SEC23IP: variants seen among roughly 807,000 people sequenced by gnomAD.
SEC23IP encodes SEC23-interacting protein.
In SEC23IP, 70 loss-of-function variants were observed where a neutral mutation model predicts 113.4. The observed-to-expected ratio is 0.62, with a 90% CI of 0.51 to 0.75. The LOEUF is 0.75. SEC23IP is among the 30% of genes least tolerant of loss of function. The pLI is 0.00. For missense variants in SEC23IP, 1,160 were observed against 1,204.9 expected (o/e 0.96, Z 0.55); for synonymous variants, 398 against 421.0 (o/e 0.95, Z 0.67).
At chr10:119,919,292 C>T (rs1855160472) in intron 10 of SEC23IP, 152 bp from the exon 11 acceptor site, 1 of 671,658 alleles carries the variant, frequency 1.5e-6, no homozygotes. Context: ...CTGGGCCTGG[C>T]CAGAATATTC....
intron 4 of SEC23IP, among the ~76,000 whole-genome samples, chr10:119,907,228 G>A (rs1426598764): frequency 1.3e-5 from 2 of 151,698 alleles, no homozygotes; most frequent in Non-Finnish European, 2.9e-5. Flanking sequence ...CCTGGGAGGC[G>A]GAGGTTGCGG....
At chr10:119,903,092 A>G in intron 3 of SEC23IP, 83 bp downstream of exon 3, 2 of 1,134,458 alleles carry the variant, frequency 1.8e-6, no homozygotes, top group Non-Finnish European at 2.5e-6. Context: ...ATTTTCTGTG[A>G]ATGTCAAATA....
In SEC23IP at chr10:119,919,570, A is replaced by G. The variant is rs1855174245; in HGVS notation, c.1999A>G (p.Lys667Glu). Reference protein sequence around the residue: ...SLSEYFSTFEKEKIDMESLLM... With the variant: ...SLSEYFSTFEEEKIDMESLLM... ...CTCTGAATATTTTAGCACTTTTGAA[A>G]AGGAAAAGATTGATATGGAGTCCCT... The change falls in exon 11 of 19, where the codon AAG (lysine) becomes GAG (glutamate). Residue 667 changes from lysine (K) to glutamate (E), a missense_variant. By Grantham distance (56) the Lys-to-Glu change is moderately conservative. Transcript: ENST00000369075. The G allele has an allele frequency of 6.2e-7, 1 of 1,613,156 alleles. No individual in the cohort carries two copies. Among genetic ancestry groups the G allele is most frequent in the African/African-American group, 1.3e-5 (1 of 74,860 alleles).
chr10:119,914,921 C>A, intron 7 of SEC23IP, 102 bp downstream of exon 7: 1 of 1,046,604 alleles, frequency 9.6e-7, no homozygotes, highest in Non-Finnish European at 1.4e-6. Flanking sequence ...GTACTACTTG[C>A]TGAGGAGTCT....
At chr10:119,905,552 G>C (rs535272557) in intron 4 of SEC23IP, among the ~76,000 whole-genome samples, 1 of 152,332 alleles carries the variant, frequency 6.6e-6, no homozygotes, top group East Asian at 1.9e-4. Context: ...GGAAGAGGCA[G>C]AGGAGGTTAG....
At chr10:119,920,152 T>C (rs1855202709) in intron 11 of SEC23IP, among the ~76,000 whole-genome samples, 1 of 152,160 alleles carries the variant, frequency 6.6e-6, no homozygotes, top group African/African-American at 2.4e-5. Context: ...ATATTGTTGG[T>C]CAGACTGTAA....
At chr10:119,902,724 A>T in intron 2 of SEC23IP, 75 bp from the exon 3 acceptor site, 3 of 1,151,446 alleles carry the variant, frequency 2.6e-6, no homozygotes, top group Non-Finnish European at 3.8e-6. Flanking sequence ...ATCTACTAAC[A>T]TCAGTTTGGG....
At position 119,918,431 on chromosome 10, in the gene SEC23IP, G is replaced by C; in HGVS notation, c.1792G>C (p.Asp598His). 1 of 1,612,740 alleles carries C rather than the reference G, an allele frequency of 6.2e-7. No homozygotes were observed. Among genetic ancestry groups the C allele is most frequent in the South Asian group, 1.1e-5 (1 of 91,052 alleles). The change falls in exon 10 of 19, where the codon GAT becomes CAT. Residue 598 changes from aspartate to histidine, a missense_variant. Transcript: ENST00000369075. ...GTTTGACATCCTGTCTAATCAAAAA[G>C]ATTTGAATTTATCAAAGTGCCCTGG... is the stretch of plus-strand genomic sequence containing the variant. The part of the protein sequence containing the change: ...ILFDILSNQK[D>H]LNLSKCPGPL...
At chr10:119,910,936 C>T (rs766230289) in intron 5 of SEC23IP, among the ~76,000 whole-genome samples, 7 of 151,900 alleles carry the variant, frequency 4.6e-5, no homozygotes, top group East Asian at 1.9e-4. Flanking sequence ...CCTCCTGCCT[C>T]GGCCTCCCAA....
At position 119,912,292 on chromosome 10, in the gene SEC23IP, C is replaced by G. The variant is rs564237533; in HGVS notation, c.1312+128C>G. 2.3e-4 allele frequency: 225 copies of G among 974,872 alleles called. 1 individual carries two copies. The highest frequency in any genetic ancestry group is 2.3e-4 in the Non-Finnish European group (154 of 661,526). The allele number at this position is 974,872 out of a possible 1,614,324, so 60.4% of individuals were successfully genotyped here. On this transcript the variant is annotated intron_variant, in intron 6 of 18. Coordinates refer to ENST00000369075, the MANE Select transcript of SEC23IP (RefSeq NM_007190.4). Reference sequence around the variant, plus strand: ...CACAGCAGCCATTGCACCACCACTCCCAGCTAATATTTCTATTTTTTGTAG... The same window carrying G: ...CACAGCAGCCATTGCACCACCACTCGCAGCTAATATTTCTATTTTTTGTAG...
In SEC23IP at chr10:119,912,399, C is replaced by T. The variant is rs371018339; in HGVS notation, c.1312+235C>T. 2.3e-3 allele frequency among the ~76,000 whole-genome samples: 346 copies of T among 152,284 alleles called. 2 individuals carry two copies. The highest frequency in any genetic ancestry group is 7.1e-3 in the Admixed American group (109 of 15,302). On this transcript the variant is annotated intron_variant, in intron 6 of 18. Coordinates refer to ENST00000369075, the MANE Select transcript of SEC23IP (RefSeq NM_007190.4). Reference sequence around the variant, plus strand: ...TTGCCTGCCTCGGCCTCCCAGAGTGCTGGAATTACAGGCGTGAGCCACTGT... The same window carrying T: ...TTGCCTGCCTCGGCCTCCCAGAGTGTTGGAATTACAGGCGTGAGCCACTGT...
At chr10:119,938,126 TAAAA>T (rs71019734) in intron 18 of SEC23IP, among the ~76,000 whole-genome samples, 8,060 of 138,718 alleles carry the variant, frequency 0.058, 399 homozygotes, top group South Asian at 0.28. Flanking sequence ...CCTCGTCTCT[TAAAA>T]AAAAAAAAAA....
chr10:119,916,152 CAG>C (rs1855046356), intron 8 of SEC23IP, among the ~76,000 whole-genome samples: 1 of 152,136 alleles, frequency 6.6e-6, no homozygotes, highest in South Asian at 2.1e-4. Flanking sequence ...GCAGTTTAGA[CAG>C]GGGGCTGTCC....
chr10:119,916,838 G>C (rs936393243), intron 8 of SEC23IP, among the ~76,000 whole-genome samples: 1 of 152,142 alleles, frequency 6.6e-6, no homozygotes, highest in East Asian at 1.9e-4. Context: ...AAAATTCATA[G>C]TATAGTTATA....
At chr10:119,913,600 T>C (rs866646440) in intron 6 of SEC23IP, among the ~76,000 whole-genome samples, 2 of 151,926 alleles carry the variant, frequency 1.3e-5, no homozygotes, top group African/African-American at 4.8e-5. Flanking sequence ...CAAGCAATTC[T>C]TGTGTCTCAG....
At chr10:119,907,278 A>G (rs1854705481) in intron 4 of SEC23IP, among the ~76,000 whole-genome samples, 1 of 151,992 alleles carries the variant, frequency 6.6e-6, no homozygotes, top group Non-Finnish European at 1.5e-5. Context: ...CCTGGGTGAC[A>G]GAGTGAGACT....
chr10:119,919,380 T>C (rs1473568855), intron 10 of SEC23IP, 64 bp from the exon 11 acceptor site: 35 of 1,411,084 alleles, frequency 2.5e-5, no homozygotes, highest in Non-Finnish European at 3.1e-5. Context: ...TTTTCGTAGA[T>C]CAGCAGTCAT....
In SEC23IP at chr10:119,942,159, G is replaced by C. The variant is rs1436406006; in HGVS notation, c.*1594G>C. On this transcript the variant is annotated 3_prime_UTR_variant, in exon 19 of 19. Transcript: ENST00000369075. ...ATTTTTCAACTTACATCTGATTTTTGTTTGTGTCATTCAGCCTGTCTTCTG... is the reference window on the plus strand; with the variant it reads ...ATTTTTCAACTTACATCTGATTTTTCTTTGTGTCATTCAGCCTGTCTTCTG... The C allele has an allele frequency of 6.6e-6, 1 of 151,982 alleles. No homozygotes were observed. The highest frequency in any genetic ancestry group is 1.9e-4 in the East Asian group (1 of 5,190). The allele number at this position is 151,982 out of a possible 1,614,324, so 9.4% of individuals were successfully genotyped here.
At chr10:119,902,668 G>A (rs1343892273) in intron 2 of SEC23IP, 131 bp from the exon 3 acceptor site, 2 of 742,616 alleles carry the variant, frequency 2.7e-6, no homozygotes, top group African/African-American at 3.5e-5. Context: ...TTGCTTTGGG[G>A]TCTAGTTATT....
Sources: allele counts gnomAD v4.1 joint callset (sites outside exome capture counted in the v4.1 genomes callset), GRCh38; gene constraint gnomAD v4.1.1; transcripts MANE v1.5; gene names NCBI Gene and HGNC (gene_info 2026-07-23, HGNC 2026-07-21).